Variants in SYNE2 observed in about 807,000 individuals in gnomAD.
SYNE2 encodes the protein nesprin-2.
SYNE2 carries 431 observed loss-of-function variants against 856.3 expected under a neutral mutation model. That is an observed-to-expected ratio of 0.50 (90% CI 0.47 to 0.55). SYNE2 has a LOEUF of 0.55. Among genes scored for constraint, SYNE2 ranks in the 20% least tolerant of loss-of-function variants. SYNE2 has a pLI of 0.00. For missense variants in SYNE2, 8,129 were observed against 8,023.2 expected, an observed-to-expected ratio of 1.01 and a Z score of -0.50; for synonymous variants, 2,923 against 2,872.3, an observed-to-expected ratio of 1.02 and a Z score of -0.56.
intron 79 of SYNE2, 163 bp downstream of exon 79, chr14:64,138,146 T>C: frequency 1.4e-6 from 1 of 698,206 alleles, no homozygotes. Context: ...CGATGTAGAA[T>C]CTCTGATGGT....
chr14:63,945,431 G>A (rs113635601), intron 6 of SYNE2, among the ~76,000 whole-genome samples: 538 of 152,122 alleles, frequency 3.5e-3, no homozygotes, highest in Middle Eastern at 0.014. Flanking sequence ...GTACTCTTTC[G>A]TGTTTGACTT....
rs568682882 is a variant in SYNE2, at chr14:64,164,298, G to C, written c.16479+717G>C. Among the ~76,000 whole-genome samples, 117 of 152,122 alleles carry C rather than the reference G, an allele frequency of 7.7e-4. 3 individuals carry two copies. Among genetic ancestry groups the C allele is most frequent in the Non-Finnish European group, 2.5e-4 (17 of 68,000 alleles). The stretch of plus-strand genomic sequence containing the variant: ...CTAATTTTTTTGTATTTTTAGTAGA[G>C]ACAGGGTTTCACCATGTTAGCCAGG... On this transcript the variant is annotated intron_variant, in intron 89 of 115. Transcript: ENST00000555002.
rs10143238 is a variant in SYNE2, at chr14:63,884,544, C to T, written c.-51-24554C>T. ...TGGTAGATACACTGAGATTGTGGCA[C>T]GGGGTGTGTAGTGGGCACCAAGGCC... On this transcript the variant is annotated intron_variant, in intron 1 of 115. Coordinates refer to ENST00000555002, the MANE Select transcript of SYNE2 (RefSeq NM_182914.3). 1.5e-3 allele frequency among the ~76,000 whole-genome samples: 226 copies of T among 152,106 alleles called. 1 individual carries two copies. The highest frequency in any genetic ancestry group is 5.0e-3 in the East Asian group (26 of 5,166).
intron 1 of SYNE2, among the ~76,000 whole-genome samples, chr14:63,790,150 T>C (rs1199902763): frequency 6.6e-6 from 1 of 151,926 alleles, no homozygotes; most frequent in African/African-American, 2.4e-5. Context: ...TCGGGCAACA[T>C]GGCAAAACCC....
At position 63,911,220 on chromosome 14, in the gene SYNE2, C is replaced by T. The variant is rs36054422; in HGVS notation, c.79+1993C>T. On this transcript the variant is annotated intron_variant, in intron 2 of 115. Transcript: ENST00000555002. The stretch of plus-strand genomic sequence containing the variant: ...TTCCCTTGTAGCTCCCCCGGCCCCT[C>T]CTCCAGCAGCAGAAGTCATCCTCTC... Among the ~76,000 whole-genome samples, 584 of 152,272 alleles carry T rather than the reference C, an allele frequency of 3.8e-3. 2 individuals carry two copies. Among genetic ancestry groups the T allele is most frequent in the Non-Finnish European group, 6.8e-3 (464 of 68,014 alleles).
At chr14:63,852,193 T>G (rs1341852656), upstream of SYNE2, among the ~76,000 whole-genome samples, 1 of 152,142 alleles carries the variant, frequency 6.6e-6, no homozygotes, top group Non-Finnish European at 1.5e-5. Context: ...CGCTGCTTTT[T>G]AATGTAATAA....
chr14:63,864,009 A>C (rs948170647), intron 1 of SYNE2, among the ~76,000 whole-genome samples: 1 of 151,876 alleles, frequency 6.6e-6, no homozygotes, highest in Non-Finnish European at 1.5e-5. Context: ...TTTTCGTAGA[A>C]ACGGGGTTAG....
At chr14:64,203,906 G>A (rs2098592417) in intron 100 of SYNE2, among the ~76,000 whole-genome samples, 1 of 152,000 alleles carries the variant, frequency 6.6e-6, no homozygotes, top group African/African-American at 2.4e-5. Context: ...TTTAAGAGAT[G>A]GAGTCTCACT....
chr14:64,130,147 ATGG>A lies in SYNE2; in HGVS notation c.14243_14245del (p.Val4748del). 1 of 1,614,184 alleles carries A rather than the reference ATGG, an allele frequency of 6.2e-7. No individual in the cohort carries two copies. On this transcript the variant is annotated inframe_deletion, in exon 76 of 116. Coordinates refer to ENST00000555002, the MANE Select transcript of SYNE2 (RefSeq NM_182914.3). Reference sequence around the variant, plus strand: ...CCAGCAAGATGCTTTGTTGCAAGGCATGGTGGAACTGGTGAAGATTGGGAAGGA... The same window carrying A: ...CCAGCAAGATGCTTTGTTGCAAGGCATGGAACTGGTGAAGATTGGGAAGGA...
At chr14:63,949,067 G>T (rs1001855648) in intron 6 of SYNE2, among the ~76,000 whole-genome samples, 11 of 151,774 alleles carry the variant, frequency 7.2e-5, no homozygotes, top group Non-Finnish European at 1.5e-4. Context: ...GTTGACATCT[G>T]TTATTATGGA....
chr14:63,897,605 C>A (rs915017930), intron 1 of SYNE2, among the ~76,000 whole-genome samples: 19 of 152,168 alleles, frequency 1.2e-4, no homozygotes, highest in Admixed American at 1.2e-3. Context: ...TTGCTGAGCC[C>A]TCCTGGGCCA....
rs1274607613 is a variant in SYNE2, at chr14:64,004,205, T to A, written c.4397+875T>A. ...ATGCCTGGCTAATTTTTTTTTTTTTTTTTGTATTTTAGTAGAGACGGGTTT... is the reference window on the plus strand; with the variant it reads ...ATGCCTGGCTAATTTTTTTTTTTTTATTTGTATTTTAGTAGAGACGGGTTT... On this transcript the variant is annotated intron_variant, in intron 30 of 115. Transcript: ENST00000555002. Among the ~76,000 whole-genome samples the A allele has an allele frequency of 2.5e-3, 367 of 149,186 alleles. 5 individuals are homozygous for A. The highest frequency in any genetic ancestry group is 8.8e-3 in the African/African-American group (353 of 40,326).
chr14:64,098,861 A>G (rs763350817), intron 63 of SYNE2, 40 bp downstream of exon 63: 6 of 1,596,824 alleles, frequency 3.8e-6, no homozygotes, highest in African/African-American at 1.3e-5. Context: ...TGTTAGAACC[A>G]GATCTCTAAA....
intron 58 of SYNE2, 148 bp from the exon 59 acceptor site, chr14:64,089,426 T>C (rs1008165536): frequency 2.0e-6 from 1 of 488,474 alleles, no homozygotes; most frequent in Non-Finnish European, 3.5e-6. Context: ...ATTATTTATT[T>C]ATCTATAGTG....
At chr14:64,108,775 C>T (rs775307657) in intron 65 of SYNE2, among the ~76,000 whole-genome samples, 1 of 151,576 alleles carries the variant, frequency 6.6e-6, no homozygotes, top group Non-Finnish European at 1.5e-5. Flanking sequence ...CAATATATGT[C>T]TAGGAAGGTG....
chr14:63,966,597 C>T (rs964282375), intron 10 of SYNE2, among the ~76,000 whole-genome samples: 6 of 151,538 alleles, frequency 4.0e-5, no homozygotes, highest in African/African-American at 1.5e-4. Context: ...CTCTCTCTTT[C>T]TCCCAGGCTG....
At chr14:64,161,285 A>C (rs1052008569) in intron 87 of SYNE2, among the ~76,000 whole-genome samples, 5 of 151,996 alleles carry the variant, frequency 3.3e-5, no homozygotes, top group African/African-American at 1.2e-4. Context: ...TCAAGGCTAC[A>C]GTGAGCTGAG....
chr14:64,078,667 C>G (rs1377145720), intron 55 of SYNE2, 61 bp downstream of exon 55: 13 of 1,586,232 alleles, frequency 8.2e-6, no homozygotes, highest in Non-Finnish European at 1.1e-5. Flanking sequence ...CTGCCTTGTT[C>G]ATCAGTCACC....
In SYNE2 at chr14:64,202,948, G is replaced by T; in HGVS notation, c.18186G>T (p.Arg6062Ser). 1 of 1,614,164 alleles carries T rather than the reference G, an allele frequency of 6.2e-7. No homozygotes were observed. The highest frequency in any genetic ancestry group is 1.1e-5 in the South Asian group (1 of 91,090). ...DVCDDQEIQK[R>S]LAEQQDLQRD... ...GCGATGATCAAGAGATCCAGAAGAG[G>T]CTCGCTGAGCAGCAGGTGGGACAAT... The change falls in exon 100 of 116, where the codon AGG (arginine) becomes AGT (serine). Residue 6062 changes from arginine (R) to serine (S), a missense_variant. Coordinates refer to ENST00000555002, the MANE Select transcript of SYNE2 (RefSeq NM_182914.3).
Sources: gnomAD v4.1 joint callset for allele counts (sites outside exome capture counted in the v4.1 genomes callset) on GRCh38, gnomAD v4.1.1 for gene constraint, MANE v1.5 for transcripts, NCBI Gene and HGNC (gene_info 2026-07-23, HGNC 2026-07-21) for gene names.